Variants in CDKN2B-AS1 observed in about 807,000 individuals in gnomAD.
CDKN2B-AS1 encodes CDKN2B antisense RNA 1 (non-protein coding).
intron 4 of CDKN2B-AS1, among the ~76,000 whole-genome samples, chr9:22,124,503 G>A (rs948948543): frequency 7.2e-5 from 11 of 152,272 alleles, no homozygotes; most frequent in African/African-American, 2.2e-4. Context: ...TCAAGACAGA[G>A]TAGTTTCTCC....
intron 1 of CDKN2B-AS1, among the ~76,000 whole-genome samples, chr9:22,034,793 A>G (rs544479592): frequency 6.6e-6 from 1 of 152,260 alleles, no homozygotes; most frequent in Non-Finnish European, 1.5e-5. Context: ...CCCATAGACA[A>G]TACATGAATG....
chr9:22,092,815 C>G (rs1369831758), intron 4 of CDKN2B-AS1, among the ~76,000 whole-genome samples: 2 of 152,100 alleles, frequency 1.3e-5, no homozygotes, highest in East Asian at 1.9e-4. Flanking sequence ...TTTTGTGTCT[C>G]TATTTCCTTC....
chr9:22,079,277 A>G (rs1441992459), intron 4 of CDKN2B-AS1, among the ~76,000 whole-genome samples: 3 of 152,314 alleles, frequency 2.0e-5, no homozygotes, highest in East Asian at 1.9e-4. Flanking sequence ...TGAGGTCAGG[A>G]GTTCGAGACC....
At position 22,031,755 on chromosome 9, in the gene CDKN2B-AS1, G is replaced by A. The variant is rs370292689; in HGVS notation, n.30-14996G>A. 1.7e-3 allele frequency among the ~76,000 whole-genome samples: 257 copies of A among 152,264 alleles called. 4 individuals are homozygous for A. The highest frequency in any genetic ancestry group is 5.9e-3 in the African/African-American group (247 of 41,548). On this transcript the variant is annotated intron_variant and non_coding_transcript_variant, in intron 1 of 4. Coordinates refer to ENST00000650946, the Ensembl canonical transcript of CDKN2B-AS1. ...CAGCTTTGTGTAATCCCCTCCACTT[G>A]AGTATCTTGCTCATACCAATAGAAT...
intron 4 of CDKN2B-AS1, among the ~76,000 whole-genome samples, chr9:22,113,237 C>T (rs746073259): frequency 2.0e-5 from 3 of 152,172 alleles, no homozygotes; most frequent in Admixed American, 6.6e-5. Flanking sequence ...TTTAAACTCT[C>T]AGGCTGCTGG....
intron 4 of CDKN2B-AS1, among the ~76,000 whole-genome samples, chr9:22,056,807 C>T (rs536530800): frequency 7.1e-4 from 108 of 152,282 alleles, no homozygotes; most frequent in African/African-American, 2.2e-3. Context: ...TCCTCAACTC[C>T]GGATTGTATA....
intron 4 of CDKN2B-AS1, among the ~76,000 whole-genome samples, chr9:22,106,171 C>T (rs1016614428): frequency 4.6e-5 from 7 of 152,176 alleles, no homozygotes; most frequent in Non-Finnish European, 8.8e-5. Flanking sequence ...CAACTTCCAC[C>T]TCCTGGGTTC....
chr9:22,092,108 A>G (rs1825111164), intron 4 of CDKN2B-AS1, among the ~76,000 whole-genome samples: 1 of 152,250 alleles, frequency 6.6e-6, no homozygotes, highest in South Asian at 2.1e-4. Context: ...GGTTCTGTTT[A>G]TATGCTGGAT....
At position 22,033,190 on chromosome 9, in the gene CDKN2B-AS1, G is replaced by T. The variant is rs376815135; in HGVS notation, n.30-13561G>T. 9.2e-5 allele frequency among the ~76,000 whole-genome samples: 14 copies of T among 152,214 alleles called. No homozygotes were observed. The South Asian group carries it at 2.9e-3, about 32-fold the overall frequency. On this transcript the variant is annotated intron_variant and non_coding_transcript_variant, in intron 1 of 4. Coordinates refer to ENST00000650946, the Ensembl canonical transcript of CDKN2B-AS1. ...CCCCCCACCCACCTGCAGAAGAATT[G>T]ACTTTTACGAAACCAGTCCCTGGTG...
intron 4 of CDKN2B-AS1, chr9:22,112,298 A>T (rs1825824147): frequency 6.6e-6 from 1 of 152,266 alleles, no homozygotes; most frequent in South Asian, 2.1e-4. Context: ...CCCTGGCTTG[A>T]CTTTCTTCTC....
chr9:22,065,999 A>G (rs1824020415), intron 4 of CDKN2B-AS1, among the ~76,000 whole-genome samples: 1 of 152,158 alleles, frequency 6.6e-6, no homozygotes, highest in African/African-American at 2.4e-5. Context: ...TCTTTGAAAT[A>G]GCATTGATTT....
chr9:22,091,069 T>A (rs72652433), intron 4 of CDKN2B-AS1, among the ~76,000 whole-genome samples: 1 of 152,182 alleles, frequency 6.6e-6, no homozygotes, highest in Non-Finnish European at 1.5e-5. Context: ...CCCAGCACCA[T>A]CTATTAAATA....
At chr9:22,046,255 ATT>A (rs1252320949) in intron 1 of CDKN2B-AS1, 1 of 152,144 alleles carries the variant, frequency 6.6e-6, no homozygotes, top group East Asian at 1.9e-4. Context: ...TATGCATATC[ATT>A]TTGTTTGATT....
chr9:22,031,630 A>G (rs944512791), intron 1 of CDKN2B-AS1, among the ~76,000 whole-genome samples: 8 of 152,166 alleles, frequency 5.3e-5, no homozygotes, highest in Admixed American at 1.3e-4. Flanking sequence ...GTCAATATGA[A>G]AAAAAATAAA....
At chr9:22,090,887 A>G (rs1197127069) in intron 4 of CDKN2B-AS1, among the ~76,000 whole-genome samples, 1 of 152,148 alleles carries the variant, frequency 6.6e-6, no homozygotes, top group Non-Finnish European at 1.5e-5. Flanking sequence ...TGTTTTAGAC[A>G]TGAAGTCCTT....
intron 4 of CDKN2B-AS1, among the ~76,000 whole-genome samples, chr9:22,076,818 G>A (rs930230800): frequency 2.0e-5 from 3 of 152,026 alleles, no homozygotes; most frequent in African/African-American, 7.3e-5. Context: ...TGAGCCTTGC[G>A]AGTAGCTGGG....
intron 1 of CDKN2B-AS1, among the ~76,000 whole-genome samples, chr9:22,036,526 A>AT (rs1393668706): frequency 6.6e-6 from 1 of 152,070 alleles, no homozygotes; most frequent in Non-Finnish European, 1.5e-5. Flanking sequence ...TTCTATGCAT[A>AT]TTTTTATACT....
chr9:22,047,227 T>A (rs1403176655), intron 2 of CDKN2B-AS1, among the ~76,000 whole-genome samples: 1 of 152,164 alleles, frequency 6.6e-6, no homozygotes, highest in Non-Finnish European at 1.5e-5. Context: ...CCCAATAGCT[T>A]TTCCCAAGCC....
At chr9:22,108,728 C>T (rs1295202827) in intron 4 of CDKN2B-AS1, among the ~76,000 whole-genome samples, 1 of 152,144 alleles carries the variant, frequency 6.6e-6, no homozygotes, top group Non-Finnish European at 1.5e-5. Context: ...TTGTCCATTT[C>T]CAATGAAACT....
Sources: gnomAD v4.1 joint callset for allele counts (sites outside exome capture counted in the v4.1 genomes callset) on GRCh38, gnomAD v4.1.1 for gene constraint, MANE v1.5 for transcripts, NCBI Gene and HGNC (gene_info 2026-07-23, HGNC 2026-07-21) for gene names.